Variants in LRP1B observed in about 807,000 individuals in gnomAD.
LRP1B encodes low-density lipoprotein receptor-related protein 1B.
In LRP1B, 217 loss-of-function variants were observed where a neutral mutation model predicts 556.6. The ratio of observed to expected loss-of-function variants is 0.39; its 90% CI spans 0.35 to 0.44. LRP1B has a LOEUF of 0.44. Ranked by LOEUF, LRP1B falls within the 20% of genes least tolerant of loss-of-function variation. LRP1B has a pLI of 1.00. For synonymous variants in LRP1B, 2,047 were observed against 1,865.8 expected, an observed-to-expected ratio of 1.10 and a Z score of -2.50; for missense variants, 5,053 against 5,620.8, an observed-to-expected ratio of 0.90 and a Z score of 3.23.
intron 66 of LRP1B, 66 bp downstream of exon 66, chr2:140,442,438 A>G (rs1686470164): frequency 1.3e-6 from 2 of 1,552,834 alleles, no homozygotes; most frequent in South Asian, 1.2e-5. Flanking sequence ...AAATTTGTTT[A>G]ACTGTGGTTG....
At chr2:141,821,302 G>GAC (rs1696744938) in intron 1 of LRP1B, among the ~76,000 whole-genome samples, 1 of 152,202 alleles carries the variant, frequency 6.6e-6, no homozygotes, top group Non-Finnish European at 1.5e-5. Flanking sequence ...TCACAGCCAA[G>GAC]ACATCACAGG....
chr2:140,985,453 G>A (rs1203106925), intron 17 of LRP1B, among the ~76,000 whole-genome samples: 1 of 151,224 alleles, frequency 6.6e-6, no homozygotes, highest in Non-Finnish European at 1.5e-5. Context: ...ATGGTGGGGA[G>A]AAATGTTGAT....
chr2:141,107,036 A>C, intron 7 of LRP1B, among the ~76,000 whole-genome samples: 1 of 152,046 alleles, frequency 6.6e-6, no homozygotes, highest in African/African-American at 2.4e-5. Flanking sequence ...ACCAATATAT[A>C]TATTCAGTGA....
chr2:140,285,467 T>C (rs1683109407), intron 84 of LRP1B, among the ~76,000 whole-genome samples: 2 of 151,532 alleles, frequency 1.3e-5, no homozygotes, highest in South Asian at 2.1e-4. Flanking sequence ...GAAGTGATTA[T>C]TATTTAATCA....
chr2:141,084,647 T>C (rs1340922250), intron 7 of LRP1B, among the ~76,000 whole-genome samples: 6 of 111,130 alleles, frequency 5.4e-5, no homozygotes, highest in African/African-American at 1.9e-4. Flanking sequence ...TAGATACTTC[T>C]GTTTCTTTTT....
intron 3 of LRP1B, among the ~76,000 whole-genome samples, chr2:141,268,626 C>T (rs984036080): frequency 6.6e-6 from 1 of 152,046 alleles, no homozygotes; most frequent in African/African-American, 2.4e-5. Flanking sequence ...ACTTAACACC[C>T]CTGAGAATAG....
intron 2 of LRP1B, among the ~76,000 whole-genome samples, chr2:141,773,734 G>GAAAAC (rs916306018): frequency 5.9e-5 from 9 of 152,272 alleles, no homozygotes; most frequent in East Asian, 1.9e-4. Flanking sequence ...AAGTCTTGAG[G>GAAAAC]AAAACAAAAC....
At chr2:142,062,673 G>T (rs1443405670) in intron 1 of LRP1B, among the ~76,000 whole-genome samples, 3 of 151,786 alleles carry the variant, frequency 2.0e-5, no homozygotes, top group African/African-American at 7.2e-5. Context: ...GGAACTTAAT[G>T]AATAAAACAA....
At position 140,232,944 on chromosome 2, in the gene LRP1B, TATC is replaced by T. The variant is rs1573658160; in HGVS notation, c.*239_*241del. On this transcript the variant is annotated 3_prime_UTR_variant, in exon 91 of 91. Transcript: ENST00000389484. ...TTTTAACAAATTCAAAGGTGTGTCA[TATC>T]AGCAGCATTGTTGTAAATTGTACTG... The T allele has an allele frequency of 3.2e-6, 1 of 313,792 alleles. No homozygotes were observed. Among genetic ancestry groups the T allele is most frequent in the Non-Finnish European group, 5.8e-6 (1 of 173,140 alleles). 19.4% of individuals were successfully genotyped at this position (313,792 alleles called of 1,614,324 possible). A position where few individuals can be genotyped will look rare whatever the true frequency, so the allele number is the denominator to read the frequency against.
chr2:141,940,626 G>C (rs1053683942), intron 1 of LRP1B, among the ~76,000 whole-genome samples: 1 of 152,106 alleles, frequency 6.6e-6, no homozygotes, highest in Non-Finnish European at 1.5e-5. Flanking sequence ...GTTTCCTTAG[G>C]AGGAGAATTT....
chr2:140,793,158 T>G lies in LRP1B; in HGVS notation c.5360-16920A>C, dbSNP rs16844705. On this transcript the variant is annotated intron_variant, in intron 32 of 90. Coordinates refer to ENST00000389484, the MANE Select transcript of LRP1B (RefSeq NM_018557.3). ...TTTTAAGTAAGGCTTTAAACTTTTT[T>G]TATTGTAGAATCATAAGTCTACAAT... 8.4e-3 allele frequency among the ~76,000 whole-genome samples: 1,276 copies of G among 152,140 alleles called. 17 individuals carry two copies. Among genetic ancestry groups the G allele is most frequent in the African/African-American group, 0.03 (1,239 of 41,574 alleles).
At chr2:141,097,400 T>C (rs1465913080) in intron 7 of LRP1B, among the ~76,000 whole-genome samples, 1 of 152,060 alleles carries the variant, frequency 6.6e-6, no homozygotes, top group African/African-American at 2.4e-5. Context: ...AGCAAGTATC[T>C]GTGAACGGAT....
At chr2:140,615,257 T>G (rs1683216156) in intron 41 of LRP1B, among the ~76,000 whole-genome samples, 1 of 152,094 alleles carries the variant, frequency 6.6e-6, no homozygotes, top group Admixed American at 6.6e-5. Context: ...ACCCAGAAAC[T>G]GACTCAGTGT....
intron 20 of LRP1B, among the ~76,000 whole-genome samples, chr2:140,924,051 A>G (rs1694816586): frequency 6.6e-6 from 1 of 152,008 alleles, no homozygotes; most frequent in Non-Finnish European, 1.5e-5. Flanking sequence ...GTTTTAATGT[A>G]ACAAATTTAT....
Position 141,708,229 on chromosome 2 carries a change from TA to T in LRP1B, c.205+102049del, listed in dbSNP as rs974493829. Among the ~76,000 whole-genome samples, 43 of 150,080 alleles carry T rather than the reference TA, an allele frequency of 2.9e-4. 1 individual carries two copies. Among genetic ancestry groups the T allele is most frequent in the South Asian group, 1.9e-3 (9 of 4,742 alleles). ...TCCCAGGACTTAATATAAAATAAATTAAAAAAAAAACAAAATTAAATCTATT... is the reference window on the plus strand; with the variant it reads ...TCCCAGGACTTAATATAAAATAAATTAAAAAAAAACAAAATTAAATCTATT... On this transcript the variant is annotated intron_variant, in intron 2 of 90. Transcript: ENST00000389484.
At chr2:141,113,285 G>A (rs1700799800) in intron 7 of LRP1B, among the ~76,000 whole-genome samples, 1 of 152,198 alleles carries the variant, frequency 6.6e-6, no homozygotes, top group African/African-American at 2.4e-5. Flanking sequence ...AAAAAGCTCA[G>A]TTAAAACAAA....
At chr2:142,086,632 C>CAAA (rs1267273158) in intron 1 of LRP1B, among the ~76,000 whole-genome samples, 23 of 28,840 alleles carry the variant, frequency 8.0e-4, no homozygotes, top group South Asian at 5.2e-3. Context: ...AACAAACAAA[C>CAAA]AAACAAACAA....
intron 1 of LRP1B, among the ~76,000 whole-genome samples, chr2:142,009,584 T>C (rs1032794191): frequency 1.3e-5 from 2 of 152,144 alleles, no homozygotes; most frequent in Admixed American, 1.3e-4. Flanking sequence ...AAAAAGAGTG[T>C]CCATAATAAA....
chr2:140,477,278 A>G (rs899691179), intron 59 of LRP1B, among the ~76,000 whole-genome samples: 1 of 152,108 alleles, frequency 6.6e-6, no homozygotes, highest in Admixed American at 6.5e-5. Context: ...CTGAAATGTA[A>G]TATATTTATT....
Sources: gnomAD v4.1 joint callset for allele counts (sites outside exome capture counted in the v4.1 genomes callset) on GRCh38, gnomAD v4.1.1 for gene constraint, MANE v1.5 for transcripts, NCBI Gene and HGNC (gene_info 2026-07-23, HGNC 2026-07-21) for gene names.